The following ARHGAP42 variants were observed in gnomAD, a reference collection of about 807,000 sequenced individuals.
The protein encoded by ARHGAP42 is Rho GTPase activating protein 42, also known as rho GTPase-activating protein 42.
In ARHGAP42, 63 loss-of-function variants were observed where a neutral mutation model predicts 125.0. The observed-to-expected ratio is 0.50, with a 90% CI of 0.41 to 0.62. The LOEUF (loss-of-function observed/expected upper bound fraction) is 0.62, where lower values mean the gene tolerates loss of function less well. ARHGAP42 is among the 20% of genes least tolerant of loss of function. The pLI is 0.00. For synonymous variants in ARHGAP42, 339 were observed against 351.0 expected, an observed-to-expected ratio of 0.97 and a Z score of 0.38; for missense variants, 766 against 1,024.2, an observed-to-expected ratio of 0.75 and a Z score of 3.44.
intron 4 of ARHGAP42, among the ~76,000 whole-genome samples, chr11:100,885,143 T>TAC (rs1360090957): frequency 1.3e-5 from 2 of 152,220 alleles, no homozygotes; most frequent in Admixed American, 6.5e-5. Context: ...CCAAAGCCCT[T>TAC]ACTCCTCTGC....
chr11:100,757,432 A>G (rs1862602809), intron 1 of ARHGAP42, among the ~76,000 whole-genome samples: 2 of 152,186 alleles, frequency 1.3e-5, no homozygotes, highest in Non-Finnish European at 2.9e-5. Flanking sequence ...GGCTATAAAT[A>G]TTAATATGAT....
intron 4 of ARHGAP42, among the ~76,000 whole-genome samples, chr11:100,888,483 G>A (rs1260614534): frequency 6.6e-6 from 1 of 152,072 alleles, no homozygotes; most frequent in Admixed American, 6.5e-5. Flanking sequence ...ATGTTTATGT[G>A]TATATTCCTA....
At chr11:100,748,722 A>G (rs1862365760) in intron 1 of ARHGAP42, among the ~76,000 whole-genome samples, 1 of 152,226 alleles carries the variant, frequency 6.6e-6, no homozygotes, top group Non-Finnish European at 1.5e-5. Flanking sequence ...TTACTGGGTT[A>G]AGGATTTTTG....
At chr11:100,728,110 A>G (rs779532377) in intron 1 of ARHGAP42, among the ~76,000 whole-genome samples, 9 of 152,198 alleles carry the variant, frequency 5.9e-5, no homozygotes, top group Non-Finnish European at 2.9e-5. Context: ...AGTATAGAAG[A>G]GAAACACAGT....
intron 5 of ARHGAP42, among the ~76,000 whole-genome samples, chr11:100,918,454 A>C (rs928238355): frequency 6.6e-6 from 1 of 152,116 alleles, no homozygotes; most frequent in Admixed American, 6.6e-5. Context: ...TGCCAGGTAA[A>C]CAAGTTTACA....
At chr11:100,871,529 G>A (rs1865695524) in intron 4 of ARHGAP42, among the ~76,000 whole-genome samples, 1 of 141,970 alleles carries the variant, frequency 7.0e-6, no homozygotes, top group Non-Finnish European at 1.5e-5. Flanking sequence ...CTGGGTGACG[G>A]AGGGAGACTG....
At chr11:100,907,309 A>G (rs1472445757) in intron 4 of ARHGAP42, among the ~76,000 whole-genome samples, 1 of 152,166 alleles carries the variant, frequency 6.6e-6, no homozygotes, top group Non-Finnish European at 1.5e-5. Context: ...TATCCTTGAC[A>G]TGCGTTATCT....
chr11:100,846,287 T>G (rs1172596792), intron 3 of ARHGAP42, among the ~76,000 whole-genome samples: 1 of 152,182 alleles, frequency 6.6e-6, no homozygotes, highest in Non-Finnish European at 1.5e-5. Flanking sequence ...TCCATGCATT[T>G]CTGATTTTTC....
chr11:100,699,859 A>G (rs924865207), intron 1 of ARHGAP42, among the ~76,000 whole-genome samples: 3 of 152,042 alleles, frequency 2.0e-5, no homozygotes, highest in African/African-American at 7.2e-5. Flanking sequence ...AATTGGAAAT[A>G]AAAGTGCCAG....
intron 1 of ARHGAP42, among the ~76,000 whole-genome samples, chr11:100,692,218 T>C (rs1406088672): frequency 6.6e-6 from 1 of 152,042 alleles, no homozygotes; most frequent in Non-Finnish European, 1.5e-5. Context: ...TTAGTATTGA[T>C]CAAAGGAAAA....
chr11:100,904,349 C>T (rs371321903), intron 4 of ARHGAP42, among the ~76,000 whole-genome samples: 16 of 151,536 alleles, frequency 1.1e-4, no homozygotes, highest in Admixed American at 9.9e-4. Flanking sequence ...CAGATTCAAG[C>T]GATTCTCCTG....
At chr11:100,893,208 TG>T (rs1473218777) in intron 4 of ARHGAP42, among the ~76,000 whole-genome samples, 1 of 150,428 alleles carries the variant, frequency 6.6e-6, no homozygotes, top group Non-Finnish European at 1.5e-5. Context: ...AAATTGAATT[TG>T]GGCTTTTTTG....
chr11:100,975,045 A>T (rs1448462282), intron 19 of ARHGAP42, among the ~76,000 whole-genome samples: 1 of 152,170 alleles, frequency 6.6e-6, no homozygotes, highest in Non-Finnish European at 1.5e-5. Flanking sequence ...TCATCAACTT[A>T]CAATTCTGAG....
At chr11:100,759,948 T>C (rs1285340285) in intron 1 of ARHGAP42, among the ~76,000 whole-genome samples, 1 of 152,218 alleles carries the variant, frequency 6.6e-6, no homozygotes, top group Non-Finnish European at 1.5e-5. Flanking sequence ...ATATGGTATC[T>C]GTAAATCAGC....
intron 3 of ARHGAP42, among the ~76,000 whole-genome samples, chr11:100,820,420 G>C (rs1156335751): frequency 6.6e-6 from 1 of 152,048 alleles, no homozygotes; most frequent in Non-Finnish European, 1.5e-5. Flanking sequence ...AATGTTCTTT[G>C]CTACCATTTG....
intron 1 of ARHGAP42, among the ~76,000 whole-genome samples, chr11:100,749,041 TG>T (rs1862376009): frequency 6.6e-6 from 1 of 152,140 alleles, no homozygotes; most frequent in Non-Finnish European, 1.5e-5. Context: ...TCTCTTTCTC[TG>T]CCTCTCCCAG....
At chr11:100,711,637 C>A (rs991047492) in intron 1 of ARHGAP42, among the ~76,000 whole-genome samples, 1 of 152,206 alleles carries the variant, frequency 6.6e-6, no homozygotes, top group African/African-American at 2.4e-5. Context: ...GGATTACAGG[C>A]GTGAGCCACT....
At chr11:100,836,321 G>T (rs1034186589) in intron 3 of ARHGAP42, among the ~76,000 whole-genome samples, 4 of 152,010 alleles carry the variant, frequency 2.6e-5, no homozygotes, top group Non-Finnish European at 4.4e-5. Context: ...AACTGTTACT[G>T]GTTCCTGAAG....
intron 4 of ARHGAP42, among the ~76,000 whole-genome samples, chr11:100,898,059 G>A (rs576278): frequency 0.54 from 82,690 of 152,084 alleles, 24,086 homozygotes; most frequent in African/African-American, 0.69. Context: ...AAGGGCTGCT[G>A]AATTTTGTCA....
Sources: gnomAD v4.1 joint callset for allele counts (sites outside exome capture counted in the v4.1 genomes callset) on GRCh38, gnomAD v4.1.1 for gene constraint, MANE v1.5 for transcripts, NCBI Gene and HGNC (gene_info 2026-07-23, HGNC 2026-07-21) for gene names.